Variants in TMEM175 observed in about 807,000 individuals in gnomAD.
TMEM175 encodes the protein transmembrane protein 175.
Under a neutral mutation model 36.5 loss-of-function variants are expected in TMEM175, and 36 were observed. The observed-to-expected ratio is 0.99, with a 90% CI of 0.76 to 1.30. The LOEUF (loss-of-function observed/expected upper bound fraction) is 1.30. Among genes scored for constraint, TMEM175 ranks in the 50% most tolerant of loss-of-function variants. The probability of loss-of-function intolerance (pLI) is 0.00; values close to 1 mark genes in which losing one functional copy is unlikely to be tolerated. For missense variants in TMEM175, 705 were observed against 692.8 expected (o/e 1.02, Z -0.20); for synonymous variants, 339 against 313.4 (o/e 1.08, Z -0.86).
chr4:949,287 A>T (rs932118955), intron 3 of TMEM175, among the ~76,000 whole-genome samples: 1 of 152,240 alleles, frequency 6.6e-6, no homozygotes, highest in Non-Finnish European at 1.5e-5. Flanking sequence ...ACTTCTCTGC[A>T]GCCAGGGCAC....
At chr4:933,441 G>A (rs1344340360) in intron 1 of TMEM175, among the ~76,000 whole-genome samples, 1 of 151,944 alleles carries the variant, frequency 6.6e-6, no homozygotes, top group East Asian at 1.9e-4. Flanking sequence ...CGGGAGGCGG[G>A]CGCCACTGTA....
At position 955,900 on chromosome 4, in the gene TMEM175, C is replaced by T. The variant is rs369708666; in HGVS notation, c.842+10C>T. Reference sequence around the variant, plus strand: ...TCATCCTGGACATCTGGTGAGGACCCCGCGTCACCTGCCCCAGCTATCAGG... The same window carrying T: ...TCATCCTGGACATCTGGTGAGGACCTCGCGTCACCTGCCCCAGCTATCAGG... On this transcript the variant is annotated intron_variant, in intron 10 of 10. Coordinates refer to ENST00000264771, the MANE Select transcript of TMEM175 (RefSeq NM_032326.4). 2 of 1,610,052 alleles carry T rather than the reference C, an allele frequency of 1.2e-6. No homozygotes were observed. The highest frequency in any genetic ancestry group is 2.2e-5 in the South Asian group (2 of 90,986).
chr4:957,613 T>G (rs765039310), intron 10 of TMEM175, among the ~76,000 whole-genome samples: 10 of 152,222 alleles, frequency 6.6e-5, no homozygotes, highest in Non-Finnish European at 1.3e-4. Context: ...GGGTGCCAGT[T>G]TCTATGGAAT....
rs919807802 is a variant in TMEM175 at position 955,573 on chromosome 4, G to A, written c.706+90G>A. On this transcript the variant is annotated intron_variant, in intron 9 of 10. Transcript: ENST00000264771. The stretch of plus-strand genomic sequence containing the variant: ...CCGCACTGAGGGCTGTCCGTGGGCC[G>A]AGGCCCGTGTGCGTGGTGGTGGCTG... 21 of 1,476,740 alleles carry A rather than the reference G, an allele frequency of 1.4e-5. 1 individual carries two copies. The highest frequency in any genetic ancestry group is 7.1e-5 in the East Asian group (3 of 42,312). 91.5% of individuals were successfully genotyped at this position (1,476,740 alleles called of 1,614,324 possible).
chr4:957,980 T>C lies in TMEM175; in HGVS notation c.999T>C (p.His333=), dbSNP rs1729956242. 3.7e-6 allele frequency: 6 copies of C among 1,612,900 alleles called. No individual in the cohort carries two copies. Among genetic ancestry groups the C allele is most frequent in the Non-Finnish European group, 5.1e-6 (6 of 1,179,942 alleles). ...LWFAHHSLFL[H]VRKATRAMGL... ...TCGCCCACCACTCACTCTTCCTGCATGTGCGCAAGGCCACGCGGGCCATGG... is the reference window on the plus strand; with the variant it reads ...TCGCCCACCACTCACTCTTCCTGCACGTGCGCAAGGCCACGCGGGCCATGG... The change falls in exon 11 of 11, where the codon CAT becomes CAC. Residue 333 remains histidine (H), a synonymous_variant. Coordinates refer to ENST00000264771, the MANE Select transcript of TMEM175 (RefSeq NM_032326.4).
intron 1 of TMEM175, among the ~76,000 whole-genome samples, chr4:939,302 C>T (rs1318866008): frequency 5.9e-5 from 9 of 152,158 alleles, no homozygotes; most frequent in Non-Finnish European, 1.0e-4. Flanking sequence ...AACCTTGGGC[C>T]GGGTGCAGTG....
intron 1 of TMEM175, among the ~76,000 whole-genome samples, chr4:942,920 G>A (rs1727700733): frequency 1.3e-5 from 2 of 152,066 alleles, no homozygotes; most frequent in Non-Finnish European, 2.9e-5. Context: ...GATTACAGGT[G>A]TGAGCCACTG....
At chr4:935,613 C>T (rs1387695712) in intron 1 of TMEM175, among the ~76,000 whole-genome samples, 1 of 152,178 alleles carries the variant, frequency 6.6e-6, no homozygotes, top group Non-Finnish European at 1.5e-5. Flanking sequence ...AGGATAGATA[C>T]CCAGAAAATC....
At chr4:951,790 AGACCAGCTGGATG>A in intron 6 of TMEM175, 73 bp downstream of exon 6, 2 of 1,528,304 alleles carry the variant, frequency 1.3e-6, no homozygotes, top group Non-Finnish European at 1.8e-6. Context: ...CCTCAAAAGC[AGACCAGCTGGATG>A]GCCCAGGGCC....
At position 941,684 on chromosome 4, in the gene TMEM175, C is replaced by G. The variant is rs1053664021; in HGVS notation, c.-31-6025C>G. ...CTCCTGACATCAGGTGATCCGCCCACCTTGGCCTCCCAAAGTACTGGGATT... is the reference window on the plus strand; with the variant it reads ...CTCCTGACATCAGGTGATCCGCCCAGCTTGGCCTCCCAAAGTACTGGGATT... On this transcript the variant is annotated intron_variant, in intron 1 of 10. Transcript: ENST00000264771. 2.6e-5 allele frequency among the ~76,000 whole-genome samples: 4 copies of G among 152,128 alleles called. No homozygotes were observed. In the South Asian group the frequency reaches 8.3e-4, roughly 32 times the overall value.
chr4:936,163 C>T (rs1411027887), intron 1 of TMEM175, among the ~76,000 whole-genome samples: 1 of 152,022 alleles, frequency 6.6e-6, no homozygotes, highest in Non-Finnish European at 1.5e-5. Flanking sequence ...GGTGAAACCC[C>T]ATCTCTACTA....
Position 943,660 on chromosome 4 carries a change from T to C in TMEM175, c.-31-4049T>C, listed in dbSNP as rs188970531. 3.0e-4 allele frequency among the ~76,000 whole-genome samples: 46 copies of C among 152,322 alleles called. No homozygotes were observed. In the East Asian group the frequency reaches 7.9e-3, roughly 26 times the overall value. ...ATGGTGCAGCTGCCTCGGCAAATTG[T>C]CGGGTGGTTTCTCAGGAAGGAAACA... is the stretch of plus-strand genomic sequence containing the variant. On this transcript the variant is annotated intron_variant, in intron 1 of 10. Transcript: ENST00000264771.
chr4:957,686 T>G lies in TMEM175; in HGVS notation c.843-138T>G, dbSNP rs1186064121. The G allele has an allele frequency of 3.6e-5, 29 of 804,350 alleles. 1 individual carries two copies. The highest frequency in any genetic ancestry group is 4.8e-4 in the Middle Eastern group (2 of 4,206). The allele number at this position is 804,350 out of a possible 1,614,324, so 49.8% of individuals were successfully genotyped here. On this transcript the variant is annotated intron_variant, in intron 10 of 10. Coordinates refer to ENST00000264771, the MANE Select transcript of TMEM175 (RefSeq NM_032326.4). ...ACACATAAATACGGCGTTCTGAAAT[T>G]TAGCACACTGGGAAGTCCACATGGT... is the stretch of plus-strand genomic sequence containing the variant.
chr4:951,679 C>G lies in TMEM175; in HGVS notation c.343-3C>G. On this transcript the variant is annotated splice_polypyrimidine_tract_variant and splice_region_variant and intron_variant, in intron 5 of 10. Coordinates refer to ENST00000264771, the MANE Select transcript of TMEM175 (RefSeq NM_032326.4). ...ATGGCTGTGATGCCCTCCCTCCCTC[C>G]AGGCCTGCATGATGACCATCACCTT... The G allele has an allele frequency of 6.2e-7, 1 of 1,614,156 alleles. No individual in the cohort carries two copies. Among genetic ancestry groups the G allele is most frequent in the East Asian group, 2.2e-5 (1 of 44,880 alleles).
intron 3 of TMEM175, chr4:948,765 C>A: frequency 2.1e-6 from 2 of 940,786 alleles, no homozygotes; most frequent in Non-Finnish European, 2.8e-6. Context: ...TCGTGCGGCC[C>A]AAGCTTCATG....
intron 6 of TMEM175, chr4:951,970 C>CCCT (rs1177893828): frequency 3.4e-6 from 2 of 593,508 alleles, no homozygotes; most frequent in Non-Finnish European, 6.0e-6. Context: ...GCCCACAGCC[C>CCCT]CCTGCCCATC....
In TMEM175 at chr4:951,321, G is replaced by A. The variant is rs377580061; in HGVS notation, c.342+63G>A. On this transcript the variant is annotated intron_variant, in intron 5 of 10. Transcript: ENST00000264771. ...GGTCTGTAATCTGACCCTCAGGGAAGAGGGGAAGGGAGCAGCCGGCCTCTC... is the reference window on the plus strand; with the variant it reads ...GGTCTGTAATCTGACCCTCAGGGAAAAGGGGAAGGGAGCAGCCGGCCTCTC... 2.1e-4 allele frequency: 335 copies of A among 1,581,306 alleles called. No homozygotes were observed. In the African/African-American group the frequency reaches 4.0e-3, roughly 19 times the overall value.
chr4:949,919 G>A (rs1728651812), intron 3 of TMEM175, among the ~76,000 whole-genome samples: 1 of 152,202 alleles, frequency 6.6e-6, no homozygotes, highest in South Asian at 2.1e-4. Context: ...CAGGGATGGC[G>A]TTGTGAGGCA....
chr4:938,527 A>G (rs1421410697), intron 1 of TMEM175, among the ~76,000 whole-genome samples: 1 of 152,136 alleles, frequency 6.6e-6, no homozygotes, highest in Non-Finnish European at 1.5e-5. Context: ...AAAAAATCGG[A>G]TAGAATCTAT....
Sources: gnomAD v4.1 joint callset for allele counts (sites outside exome capture counted in the v4.1 genomes callset) on GRCh38, gnomAD v4.1.1 for gene constraint, MANE v1.5 for transcripts, NCBI Gene and HGNC (gene_info 2026-07-23, HGNC 2026-07-21) for gene names.